CPEB3: variants seen among roughly 807,000 people sequenced by gnomAD.
CPEB3 encodes cytoplasmic polyadenylation element binding protein 3.
In CPEB3, 20 loss-of-function variants were observed where a neutral mutation model predicts 67.2. The observed-to-expected ratio is 0.30, with a 90% confidence interval of 0.21 to 0.43. CPEB3 has a LOEUF of 0.43. Ranked by LOEUF, CPEB3 falls within the 20% of genes least tolerant of loss-of-function variation. The pLI is 1.00. For missense variants in CPEB3, 746 were observed against 968.6 expected (o/e 0.77, Z 3.05); for synonymous variants, 376 against 393.1 (o/e 0.96, Z 0.51).
chr10:92,249,285 C>T (rs1000363591), intron 1 of CPEB3, among the ~76,000 whole-genome samples: 7 of 151,222 alleles, frequency 4.6e-5, no homozygotes, highest in African/African-American at 1.5e-4. Flanking sequence ...AGGCTGAGGC[C>T]GGAGAATCTC....
intron 8 of CPEB3, among the ~76,000 whole-genome samples, chr10:92,091,245 T>C (rs972336393): frequency 6.6e-6 from 1 of 152,318 alleles, no homozygotes. Flanking sequence ...ACTTAATTAT[T>C]CTAAGTGCTT....
chr10:92,278,680 A>G (rs1842113593), intron 1 of CPEB3, among the ~76,000 whole-genome samples: 1 of 146,380 alleles, frequency 6.8e-6, no homozygotes, highest in South Asian at 2.1e-4. Context: ...GGCTCACTGT[A>G]ACCTCCACCT....
intron 3 of CPEB3, among the ~76,000 whole-genome samples, chr10:92,184,737 T>C (rs1253546868): frequency 2.0e-5 from 3 of 152,226 alleles, no homozygotes; most frequent in Non-Finnish European, 4.4e-5. Context: ...ACAGCATCTT[T>C]AAGCTGGTTT....
At chr10:92,161,703 C>T (rs1324623266) in intron 4 of CPEB3, among the ~76,000 whole-genome samples, 1 of 150,080 alleles carries the variant, frequency 6.7e-6, no homozygotes, top group Non-Finnish European at 1.5e-5. Flanking sequence ...TCACATGTAT[C>T]GCCCAGGCTG....
At chr10:92,216,415 G>C in intron 2 of CPEB3, 1 of 1,612,572 alleles carries the variant, frequency 6.2e-7, no homozygotes, top group South Asian at 1.1e-5. Context: ...AGGAGCTGCT[G>C]GTCAACCAGA....
intron 4 of CPEB3, among the ~76,000 whole-genome samples, chr10:92,166,170 G>A (rs1222856703): frequency 4.0e-5 from 6 of 151,158 alleles, no homozygotes; most frequent in African/African-American, 7.3e-5. Context: ...GTGCAGTGGC[G>A]TGATCTCGGC....
At chr10:92,256,434 A>G (rs1300209971) in intron 1 of CPEB3, among the ~76,000 whole-genome samples, 1 of 146,532 alleles carries the variant, frequency 6.8e-6, no homozygotes. Flanking sequence ...TCTGTTGCCC[A>G]GCTAGAGTGC....
intron 9 of CPEB3, among the ~76,000 whole-genome samples, chr10:92,062,669 A>C (rs1842399339): frequency 6.6e-6 from 1 of 152,226 alleles, no homozygotes; most frequent in Admixed American, 6.5e-5. Flanking sequence ...ATTTTAGTAG[A>C]TTATCCAAAT....
chr10:92,052,036 C>CT lies in CPEB3; in HGVS notation c.*175dup. Reference sequence around the variant, plus strand: ...CTGCAATTCTGCATTATACTGGACACTGAGTTCAGTAATATGACTGTAAAT... The same window carrying CT: ...CTGCAATTCTGCATTATACTGGACACTTGAGTTCAGTAATATGACTGTAAAT... On this transcript the variant is annotated 3_prime_UTR_variant, in exon 10 of 10. Coordinates refer to ENST00000265997, the MANE Select transcript of CPEB3 (RefSeq NM_014912.5). The CT allele has an allele frequency of 1.7e-6, 1 of 576,382 alleles. No individual in the cohort carries two copies. The highest frequency in any genetic ancestry group is 3.1e-6 in the Non-Finnish European group (1 of 324,018). The allele number at this position is 576,382 out of a possible 1,614,324, so 35.7% of individuals were successfully genotyped here.
chr10:92,230,402 T>C (rs1387470309), intron 2 of CPEB3, among the ~76,000 whole-genome samples: 2 of 152,218 alleles, frequency 1.3e-5, no homozygotes, highest in African/African-American at 2.4e-5. Flanking sequence ...TCACTTCAAA[T>C]AATATAAAGG....
chr10:92,151,938 C>T (rs1169006196), intron 4 of CPEB3, among the ~76,000 whole-genome samples: 1 of 152,186 alleles, frequency 6.6e-6, no homozygotes, highest in Non-Finnish European at 1.5e-5. Flanking sequence ...CCTAACAAGG[C>T]AACCCAATTC....
intron 6 of CPEB3, among the ~76,000 whole-genome samples, chr10:92,142,420 T>G (rs1846480181): frequency 6.6e-6 from 1 of 152,222 alleles, no homozygotes; most frequent in Non-Finnish European, 1.5e-5. Flanking sequence ...TAAAGTTCCC[T>G]AGATTCTGCA....
chr10:92,241,018 T>G (rs1851826783), intron 1 of CPEB3, among the ~76,000 whole-genome samples: 1 of 152,156 alleles, frequency 6.6e-6, no homozygotes, highest in Admixed American at 6.5e-5. Flanking sequence ...GGCCTCCCAG[T>G]AGCTGCAGCT....
At chr10:92,195,082 C>T (rs888026432) in intron 2 of CPEB3, among the ~76,000 whole-genome samples, 2 of 149,316 alleles carry the variant, frequency 1.3e-5, no homozygotes, top group African/African-American at 5.0e-5. Flanking sequence ...CACACACACA[C>T]GTACAAAAAA....
chr10:92,186,889 GC>G (rs1366719139), intron 3 of CPEB3, among the ~76,000 whole-genome samples: 1 of 152,058 alleles, frequency 6.6e-6, no homozygotes, highest in Non-Finnish European at 1.5e-5. Context: ...CTTAGAACCT[GC>G]CCCCTAACAG....
At chr10:92,117,688 C>G (rs1383631778) in intron 6 of CPEB3, among the ~76,000 whole-genome samples, 1 of 151,878 alleles carries the variant, frequency 6.6e-6, no homozygotes, top group Admixed American at 6.6e-5. Flanking sequence ...CCAAAATGTT[C>G]TTGGCTACCT....
chr10:92,243,247 T>G (rs1318000354), intron 1 of CPEB3: 1 of 152,196 alleles, frequency 6.6e-6, no homozygotes, highest in African/African-American at 2.4e-5. Flanking sequence ...GTTGATTATG[T>G]GACCGCTCTG....
chr10:92,200,933 A>G (rs1405534150), intron 2 of CPEB3, among the ~76,000 whole-genome samples: 4 of 152,186 alleles, frequency 2.6e-5, no homozygotes, highest in Admixed American at 2.6e-4. Flanking sequence ...ATGACCCTAC[A>G]TTTTGAGGCT....
At chr10:92,285,759 T>C (rs1337381486) in intron 1 of CPEB3, among the ~76,000 whole-genome samples, 1 of 152,190 alleles carries the variant, frequency 6.6e-6, no homozygotes. Flanking sequence ...TAATTACTCC[T>C]CTTGCTACAA....
Sources: allele counts gnomAD v4.1 joint callset (sites outside exome capture counted in the v4.1 genomes callset), GRCh38; gene constraint gnomAD v4.1.1; transcripts MANE v1.5; gene names NCBI Gene and HGNC (gene_info 2026-07-23, HGNC 2026-07-21).